KCNH5: variants seen among roughly 807,000 people sequenced by gnomAD.
KCNH5 encodes potassium voltage-gated channel subfamily H member 5, also known as voltage-gated delayed rectifier potassium channel KCNH5.
A neutral mutation model predicts 96.1 loss-of-function variants in KCNH5; 46 were observed. The ratio of observed to expected loss-of-function variants is 0.48; its 90% confidence interval spans 0.38 to 0.61. KCNH5 has a LOEUF of 0.61. Ranked by LOEUF, KCNH5 falls within the 20% of genes least tolerant of loss-of-function variation. KCNH5 has a pLI of 0.00. For missense variants in KCNH5, 907 were observed against 1,225.8 expected, an observed-to-expected ratio of 0.74 and a Z score of 3.88; for synonymous variants, 439 against 449.8, an observed-to-expected ratio of 0.98 and a Z score of 0.30.
At chr14:62,765,680 A>T (rs1038136687) in intron 10 of KCNH5, among the ~76,000 whole-genome samples, 1 of 152,262 alleles carries the variant, frequency 6.6e-6, no homozygotes, top group South Asian at 2.1e-4. Flanking sequence ...CAAGCAAAAA[A>T]CAAACAACCC....
chr14:62,966,737 T>C (rs914572639), intron 6 of KCNH5, among the ~76,000 whole-genome samples: 81 of 152,154 alleles, frequency 5.3e-4, no homozygotes, highest in African/African-American at 1.9e-3. Context: ...GTCCTAAGAT[T>C]CTTTGAATTC....
At chr14:62,973,326 C>T (rs746773360) in intron 6 of KCNH5, among the ~76,000 whole-genome samples, 4 of 152,116 alleles carry the variant, frequency 2.6e-5, no homozygotes, top group Non-Finnish European at 4.4e-5. Context: ...GATTGGGTAG[C>T]GCTATGGTTT....
At chr14:62,986,951 CAT>C (rs1890719982) in intron 5 of KCNH5, 119 bp downstream of exon 5, 1 of 669,778 alleles carries the variant, frequency 1.5e-6, no homozygotes, top group Admixed American at 2.8e-5. Flanking sequence ...ACAAGGGAAA[CAT>C]AAATTATCAG....
At chr14:62,997,694 G>A (rs529015806) in intron 4 of KCNH5, among the ~76,000 whole-genome samples, 11 of 151,660 alleles carry the variant, frequency 7.3e-5, no homozygotes, top group South Asian at 2.1e-4. Flanking sequence ...TCAGGAGATC[G>A]AGACCATCCT....
chr14:62,822,608 C>T (rs1887137599), intron 8 of KCNH5, among the ~76,000 whole-genome samples: 1 of 151,646 alleles, frequency 6.6e-6, no homozygotes, highest in Non-Finnish European at 1.5e-5. Context: ...CAACCTAACC[C>T]TCAAACCTTA....
chr14:62,720,457 C>T (rs1204215996), intron 10 of KCNH5, among the ~76,000 whole-genome samples: 1 of 152,156 alleles, frequency 6.6e-6, no homozygotes, highest in Non-Finnish European at 1.5e-5. Context: ...TGGCGGACAC[C>T]TGTAAGTCCC....
chr14:62,846,571 C>T (rs1199751594), intron 8 of KCNH5, among the ~76,000 whole-genome samples: 2 of 151,500 alleles, frequency 1.3e-5, no homozygotes, highest in Non-Finnish European at 2.9e-5. Context: ...AGTGAAGACC[C>T]TTATAAATAT....
chr14:62,947,781 T>C (rs1418301706), intron 7 of KCNH5, among the ~76,000 whole-genome samples: 1 of 151,704 alleles, frequency 6.6e-6, no homozygotes, highest in Non-Finnish European at 1.5e-5. Context: ...GCGCTAATAA[T>C]GCTAATCACA....
intron 6 of KCNH5, among the ~76,000 whole-genome samples, chr14:62,960,883 A>G (rs1439111274): frequency 6.6e-6 from 1 of 152,180 alleles, no homozygotes; most frequent in African/African-American, 2.4e-5. Flanking sequence ...GTATTAGCCA[A>G]TTCATATTCT....
intron 7 of KCNH5, among the ~76,000 whole-genome samples, chr14:62,920,954 A>G (rs951306326): frequency 1.3e-5 from 2 of 152,178 alleles, no homozygotes; most frequent in African/African-American, 4.8e-5. Context: ...CAATAAAGCT[A>G]TTAAATGCAT....
At chr14:62,803,597 T>C (rs1054493244) in intron 8 of KCNH5, among the ~76,000 whole-genome samples, 3 of 152,190 alleles carry the variant, frequency 2.0e-5, no homozygotes, top group Non-Finnish European at 4.4e-5. Flanking sequence ...GAATTCACGC[T>C]GTAGGCATCC....
Position 62,699,679 on chromosome 14 carries a change from C to T in KCNH5, c.*7829G>A, listed in dbSNP as rs1797437479. 6.6e-6 allele frequency: 1 copy of T among 152,124 alleles called. No homozygotes were observed. The highest frequency in any genetic ancestry group is 1.5e-5 in the Non-Finnish European group (1 of 68,000). The allele number at this position is 152,124 out of a possible 1,614,324, so 9.4% of individuals were successfully genotyped here. A position where few individuals can be genotyped will look rare whatever the true frequency, so the allele number is the denominator to read the frequency against. On this transcript the variant is annotated 3_prime_UTR_variant, in exon 11 of 11. Transcript: ENST00000322893. Reference sequence around the variant, plus strand: ...TAAATAAAGTGATAATCACCACAAACTTCCCAGAAGCAACTGAATTTTGAT... The same window carrying T: ...TAAATAAAGTGATAATCACCACAAATTTCCCAGAAGCAACTGAATTTTGAT...
chr14:62,954,598 T>C (rs1890066446), intron 6 of KCNH5, among the ~76,000 whole-genome samples: 1 of 152,244 alleles, frequency 6.6e-6, no homozygotes, highest in Non-Finnish European at 1.5e-5. Context: ...ACAGTCAATG[T>C]AACTTAGGGT....
chr14:62,776,065 A>G (rs12883427), intron 10 of KCNH5, among the ~76,000 whole-genome samples: 86,243 of 151,696 alleles, frequency 0.57, 24,752 homozygotes, highest in South Asian at 0.8. Flanking sequence ...TCACGAGTTC[A>G]AGACCAGCCT....
At chr14:62,919,477 C>T (rs2140107146) in intron 7 of KCNH5, among the ~76,000 whole-genome samples, 1 of 152,230 alleles carries the variant, frequency 6.6e-6, no homozygotes, top group South Asian at 2.1e-4. Flanking sequence ...TTGAGAGCAT[C>T]TCACATTCCA....
chr14:62,794,683 T>TA (rs1204514600), intron 9 of KCNH5, among the ~76,000 whole-genome samples: 1 of 152,136 alleles, frequency 6.6e-6, no homozygotes, highest in African/African-American at 2.4e-5. Context: ...AAATACACTT[T>TA]AAAAGTTTGT....
chr14:63,045,392 T>C lies in KCNH5; in HGVS notation c.-206A>G. ...GGGAGGAGGACCAGGCAGTTCATGG[T>C]AGTAGCGCTCCCCCGGCCGCCGCTG... is the stretch of plus-strand genomic sequence containing the variant. On this transcript the variant is annotated 5_prime_UTR_variant, in exon 1 of 11. Coordinates refer to ENST00000322893, the MANE Select transcript of KCNH5 (RefSeq NM_139318.5). 3.4e-6 allele frequency: 2 copies of C among 583,262 alleles called. No individual in the cohort carries two copies. The highest frequency in any genetic ancestry group is 3.1e-6 in the Non-Finnish European group (1 of 325,318). The allele number at this position is 583,262 out of a possible 1,614,324, so 36.1% of individuals were successfully genotyped here.
intron 3 of KCNH5, among the ~76,000 whole-genome samples, chr14:63,002,970 C>T (rs1156815339): frequency 6.6e-6 from 1 of 152,134 alleles, no homozygotes; most frequent in Non-Finnish European, 1.5e-5. Flanking sequence ...TCACCAGACC[C>T]AGACGTTAGT....
chr14:62,899,583 G>A (rs534704983), intron 7 of KCNH5, among the ~76,000 whole-genome samples: 1 of 152,202 alleles, frequency 6.6e-6, no homozygotes, highest in African/African-American at 2.4e-5. Context: ...TGTAATCCCA[G>A]CACTTTGGGA....
Sources: allele counts gnomAD v4.1 joint callset (sites outside exome capture counted in the v4.1 genomes callset), GRCh38; gene constraint gnomAD v4.1.1; transcripts MANE v1.5; gene names NCBI Gene and HGNC (gene_info 2026-07-23, HGNC 2026-07-21).